Variants in TGFBR1 observed in about 807,000 individuals in gnomAD.
The protein encoded by TGFBR1 is TGF-beta receptor type-1.
TGFBR1 carries 20 observed loss-of-function variants against 55.1 expected under a neutral mutation model. The observed-to-expected ratio is 0.36, with a 90% CI of 0.26 to 0.53. The LOEUF (loss-of-function observed/expected upper bound fraction) is 0.53, where lower values mean the gene tolerates loss of function less well. Among genes scored for constraint, TGFBR1 ranks in the 20% least tolerant of loss-of-function variants. The probability of loss-of-function intolerance (pLI) is 0.91; values close to 1 mark genes in which losing one functional copy is unlikely to be tolerated. For missense variants in TGFBR1, 385 were observed against 617.6 expected (o/e 0.62, Z 3.99); for synonymous variants, 220 against 214.8 (o/e 1.02, Z -0.21).
chr9:99,116,505 T>C (rs1230871828), intron 1 of TGFBR1, among the ~76,000 whole-genome samples: 2 of 152,234 alleles, frequency 1.3e-5, no homozygotes, highest in Non-Finnish European at 1.5e-5. Flanking sequence ...TAATCACCTG[T>C]GAACCATTCT....
intron 1 of TGFBR1, among the ~76,000 whole-genome samples, chr9:99,127,095 A>G (rs1295991601): frequency 6.6e-6 from 1 of 152,196 alleles, no homozygotes; most frequent in African/African-American, 2.4e-5. Flanking sequence ...TGTTACAGTC[A>G]TGGTTATAGT....
chr9:99,113,837 A>C (rs1275266081), intron 1 of TGFBR1, among the ~76,000 whole-genome samples: 2 of 152,214 alleles, frequency 1.3e-5, no homozygotes, highest in Non-Finnish European at 2.9e-5. Context: ...TAGCTGTCAA[A>C]ATGGAACATT....
upstream of TGFBR1, among the ~76,000 whole-genome samples, chr9:99,104,402 G>A (rs1322831650): frequency 1.3e-5 from 2 of 152,078 alleles, no homozygotes; most frequent in African/African-American, 4.8e-5. Context: ...GGCTATTTGG[G>A]GGTGTGTTTG....
At chr9:99,127,980 G>C (rs755527253) in intron 1 of TGFBR1, 1 of 455,970 alleles carries the variant, frequency 2.2e-6, no homozygotes, top group South Asian at 1.5e-5. Context: ...ATAGGAGAAA[G>C]AAAAACAAAA....
chr9:99,146,035 C>T (rs955954573), intron 6 of TGFBR1: 9 of 259,690 alleles, frequency 3.5e-5, no homozygotes, highest in Non-Finnish European at 5.9e-5. Context: ...GGGTCCTGAC[C>T]CATAATTTTG....
chr9:99,142,489 T>C (rs747013869), intron 4 of TGFBR1, 47 bp from the exon 5 acceptor site: 15 of 1,608,864 alleles, frequency 9.3e-6, no homozygotes, highest in Middle Eastern at 1.7e-4. Flanking sequence ...AACAAATAAA[T>C]CATAAATGGT....
chr9:99,127,669 CT>C (rs1030206249), intron 1 of TGFBR1: 12 of 325,386 alleles, frequency 3.7e-5, no homozygotes, highest in African/African-American at 2.6e-4. Flanking sequence ...TATCCTGCCC[CT>C]GTCTGCCTAG....
At chr9:99,132,793 A>G in intron 3 of TGFBR1, 54 bp downstream of exon 3, 2 of 1,606,860 alleles carry the variant, frequency 1.2e-6, no homozygotes, top group Non-Finnish European at 1.7e-6. Flanking sequence ...ATTAAGCGAT[A>G]CTTATTTTAT....
At chr9:99,105,613 CTG>C (rs1042857892) in intron 1 of TGFBR1, among the ~76,000 whole-genome samples, 3 of 151,828 alleles carry the variant, frequency 2.0e-5, no homozygotes, top group African/African-American at 7.2e-5. Flanking sequence ...GGGCTGCCCT[CTG>C]GGGTGTGAGT....
chr9:99,128,817 C>A, intron 1 of TGFBR1, 38 bp from the exon 2 acceptor site: 1 of 1,611,778 alleles, frequency 6.2e-7, no homozygotes, highest in Non-Finnish European at 8.5e-7. Context: ...AAACTGTTAA[C>A]CTTGAGATTT....
Position 99,146,591 on chromosome 9 carries a change from C to T in TGFBR1, c.1237C>T (p.Arg413Ter), listed in dbSNP as rs200595614. ...AMGLVFWEIA[R>*]RCSIGGIHED... ...GGGCTTAGTATTCTGGGAAATTGCT[C>T]GACGATGTTCCATTGGTGGTAAATT... Residue 413 changes from arginine (R) to a stop codon, truncating the protein, a stop_gained, in exon 7 of 9, where the codon CGA becomes TGA. Transcript: ENST00000374994. LOFTEE classifies it high-confidence loss of function. 4 of 1,613,824 alleles carry T rather than the reference C, an allele frequency of 2.5e-6. No homozygotes were observed. Among genetic ancestry groups the T allele is most frequent in the Non-Finnish European group, 3.4e-6 (4 of 1,179,872 alleles).
At chr9:99,128,016 GT>G (rs1827089276) in intron 1 of TGFBR1, 4 of 456,018 alleles carry the variant, frequency 8.8e-6, no homozygotes, top group African/African-American at 2.0e-5. Context: ...AGCAGTATGT[GT>G]TTTGGAGAGC....
chr9:99,147,228 A>T (rs1042814418), intron 7 of TGFBR1, among the ~76,000 whole-genome samples: 1 of 152,190 alleles, frequency 6.6e-6, no homozygotes, highest in Non-Finnish European at 1.5e-5. Context: ...TTATTGACAG[A>T]TGCAAGTAGA....
intron 4 of TGFBR1, among the ~76,000 whole-genome samples, chr9:99,141,613 C>G (rs1252105533): frequency 6.6e-6 from 1 of 152,128 alleles, no homozygotes; most frequent in Non-Finnish European, 1.5e-5. Flanking sequence ...GCCGTGGATT[C>G]CAACCAGGTT....
intron 3 of TGFBR1, among the ~76,000 whole-genome samples, chr9:99,134,830 A>ATACATATATATATATATATG (rs1554700048): frequency 1.8e-5 from 2 of 112,500 alleles, no homozygotes; most frequent in African/African-American, 6.4e-5. Context: ...ATATATATAT[A>ATACATATATATATATATATG]TATATATATA....
intron 1 of TGFBR1, among the ~76,000 whole-genome samples, chr9:99,110,538 C>T (rs549111456): frequency 2.0e-5 from 3 of 152,274 alleles, no homozygotes; most frequent in South Asian, 4.1e-4. Context: ...TTGATAACAT[C>T]GGCTCTACCC....
In TGFBR1 at chr9:99,151,405, T is replaced by G. The variant is rs532530728; in HGVS notation, c.*2100T>G. 2.4e-3 allele frequency: 521 copies of G among 219,064 alleles called. 4 individuals carry two copies. The highest frequency in any genetic ancestry group is 3.4e-3 in the Admixed American group (58 of 16,950). 13.6% of individuals were successfully genotyped at this position (219,064 alleles called of 1,614,324 possible). On this transcript the variant is annotated 3_prime_UTR_variant, in exon 9 of 9. Transcript: ENST00000374994. Reference sequence around the variant, plus strand: ...GTGGGGGTTTTTTTTTTGTTTTTTTTTTTTTGTTGTTGTTTTTGGGCCATT... The same window carrying G: ...GTGGGGGTTTTTTTTTTGTTTTTTTGTTTTTGTTGTTGTTTTTGGGCCATT...
intron 5 of TGFBR1, 95 bp from the exon 6 acceptor site, chr9:99,144,637 A>G: frequency 6.9e-7 from 1 of 1,446,494 alleles, no homozygotes; most frequent in Non-Finnish European, 9.7e-7. Flanking sequence ...ATGCTTTGAT[A>G]ATTTGGGTTG....
At chr9:99,134,257 T>C (rs1374215728) in intron 3 of TGFBR1, among the ~76,000 whole-genome samples, 2 of 152,166 alleles carry the variant, frequency 1.3e-5, no homozygotes, top group African/African-American at 4.8e-5. Context: ...AATTTGGCCA[T>C]ATGTATTCAA....
Sources: allele counts gnomAD v4.1 joint callset (sites outside exome capture counted in the v4.1 genomes callset), GRCh38; gene constraint gnomAD v4.1.1; transcripts MANE v1.5; gene names NCBI Gene and HGNC (gene_info 2026-07-23, HGNC 2026-07-21).